NAGA: variants seen among roughly 807,000 people sequenced by gnomAD.
NAGA encodes the protein alpha-N-acetylgalactosaminidase.
In NAGA, 42 loss-of-function variants were observed where a neutral mutation model predicts 45.6. The observed-to-expected ratio is 0.92, with a 90% CI of 0.72 to 1.19. The LOEUF is 1.19. Ranked by LOEUF, NAGA falls within the 50% of genes most tolerant of loss-of-function variation. The pLI, the probability that NAGA is intolerant of heterozygous loss-of-function variation, is 0.00. For missense variants in NAGA, 493 were observed against 544.8 expected (o/e 0.90, Z 0.95); for synonymous variants, 176 against 203.1 (o/e 0.87, Z 1.13).
Position 42,067,305 on chromosome 22 carries a change from G to A in NAGA, c.325-15C>T. ...AGGGAGTGAACCTGTGGGGGTTTGAGGACACAGTGGGCTCAAGCAGGACCC... is the reference window on the plus strand; with the variant it reads ...AGGGAGTGAACCTGTGGGGGTTTGAAGACACAGTGGGCTCAAGCAGGACCC... On this transcript the variant is annotated splice_polypyrimidine_tract_variant and intron_variant, in intron 3 of 8. Coordinates refer to ENST00000396398, the MANE Select transcript of NAGA (RefSeq NM_000262.3). 1 of 1,613,842 alleles carries A rather than the reference G, an allele frequency of 6.2e-7. No homozygotes were observed. Among genetic ancestry groups the A allele is most frequent in the South Asian group, 1.1e-5 (1 of 91,082 alleles).
At chr22:42,065,377 C>G (rs375144334) in intron 6 of NAGA, among the ~76,000 whole-genome samples, 1 of 152,070 alleles carries the variant, frequency 6.6e-6, no homozygotes. Flanking sequence ...CAGAGGCACA[C>G]GGGGGAGAGC....
intron 6 of NAGA, 135 bp downstream of exon 6, chr22:42,065,603 A>T: frequency 8.4e-7 from 1 of 1,194,720 alleles, no homozygotes; most frequent in Non-Finnish European, 1.2e-6. Context: ...TAAAGCAACC[A>T]GTTCAGGGAC....
intron 8 of NAGA, among the ~76,000 whole-genome samples, 178 bp downstream of exon 8, chr22:42,060,746 C>G (rs1203955936): frequency 6.6e-6 from 1 of 152,224 alleles, no homozygotes; most frequent in African/African-American, 2.4e-5. Flanking sequence ...GTTGAAAATA[C>G]TGGTGCAGAG....
At chr22:42,060,868 C>A in intron 8 of NAGA, 56 bp downstream of exon 8, 1 of 1,611,546 alleles carries the variant, frequency 6.2e-7, no homozygotes, top group Non-Finnish European at 8.5e-7. Context: ...CCCCATAATA[C>A]CCTCCCACAG....
intron 6 of NAGA, among the ~76,000 whole-genome samples, chr22:42,063,745 T>C (rs1291041962): frequency 6.6e-6 from 1 of 152,218 alleles, no homozygotes. Context: ...CTGCCGACAC[T>C]CCCAGCCGAA....
At position 42,059,529 on chromosome 22, in the gene NAGA, G is replaced by C. The variant is rs1926238297; in HGVS notation, c.*750C>G. The C allele has an allele frequency of 1.3e-5, 2 of 152,514 alleles. No individual in the cohort carries two copies. The highest frequency in any genetic ancestry group is 1.3e-4 in the Admixed American group (2 of 15,304). The allele number at this position is 152,514 out of a possible 1,614,324, so 9.4% of individuals were successfully genotyped here. ...GCAGGACCTGGGAGCATTGCTACTTGGCCTCATTGTGTTGTCACCATCACC... is the reference window on the plus strand; with the variant it reads ...GCAGGACCTGGGAGCATTGCTACTTCGCCTCATTGTGTTGTCACCATCACC... On this transcript the variant is annotated 3_prime_UTR_variant, in exon 9 of 9. Coordinates refer to ENST00000396398, the MANE Select transcript of NAGA (RefSeq NM_000262.3).
In NAGA at chr22:42,070,378, G is replaced by A; in HGVS notation, c.-81C>T. The A allele has an allele frequency of 6.4e-7, 1 of 1,564,780 alleles. No individual in the cohort carries two copies. The highest frequency in any genetic ancestry group is 2.2e-5 in the East Asian group (1 of 44,670). ...GTATGTGTTGGGCTCTGGAAGCTAA[G>A]AAACGTCTGAAAAGCACTGGGGTCA... On this transcript the variant is annotated 5_prime_UTR_variant, in exon 1 of 9. Coordinates refer to ENST00000396398, the MANE Select transcript of NAGA (RefSeq NM_000262.3).
At position 42,067,278 on chromosome 22, in the gene NAGA, C is replaced by T; in HGVS notation, c.337G>A (p.Gly113Ser). 1 of 1,614,018 alleles carries T rather than the reference C, an allele frequency of 6.2e-7. No homozygotes were observed. Among genetic ancestry groups the T allele is most frequent in the African/African-American group, 1.3e-5 (1 of 74,988 alleles). Residue 113 changes from glycine to serine, a missense_variant, in exon 4 of 9, where the codon GGC (glycine) becomes AGC (serine). Transcript: ENST00000396398. ...TCCGCGTAGATACCCAACTTCAGGC[C>T]CAGGGAGTGAACCTGTGGGGGTTTG... ...PFLADYVHSL[G>S]LKLGIYADMG...
At chr22:42,064,476 TA>T (rs133365) in intron 6 of NAGA, among the ~76,000 whole-genome samples, 112 of 126,096 alleles carry the variant, frequency 8.9e-4, no homozygotes, top group Middle Eastern at 4.1e-3. Context: ...CCATCTCTAC[TA>T]AAAAAAAAAA....
rs1451398161 is a variant in NAGA at position 42,067,913 on chromosome 22, G to A, written c.176C>T (p.Ala59Val). The A allele has an allele frequency of 6.2e-7, 1 of 1,613,630 alleles. No homozygotes were observed. The highest frequency in any genetic ancestry group is 2.2e-5 in the East Asian group (1 of 44,884). Residue 59 changes from alanine to valine, a missense_variant, in exon 3 of 9, where the codon GCT becomes GTT. Coordinates refer to ENST00000396398, the MANE Select transcript of NAGA (RefSeq NM_000262.3). ...CCATCCATCCTGTGCCATCCGGTCA[G>A]CCATCTCCATGAAGAGCTGTTCACT... ...CISEQLFMEM[A>V]DRMAQDGWRD... is the part of the protein sequence containing the mutation.
rs374835230 is a variant in NAGA at position 42,060,232 on chromosome 22, G to A, written c.*47C>T. The A allele has an allele frequency of 1.2e-6, 2 of 1,610,146 alleles. No individual in the cohort carries two copies. Among genetic ancestry groups the A allele is most frequent in the Non-Finnish European group, 8.5e-7 (1 of 1,179,710 alleles). The stretch of plus-strand genomic sequence containing the variant: ...GCCCTGGGCATGCCAAGGCTCCATG[G>A]TCTAGGCTCAGTGGTGCCACCACAG... On this transcript the variant is annotated 3_prime_UTR_variant, in exon 9 of 9. Transcript: ENST00000396398.
Position 42,059,752 on chromosome 22 carries a change from T to G in NAGA, c.*527A>C. 5.8e-6 allele frequency: 1 copy of G among 171,194 alleles called. No individual in the cohort carries two copies. The highest frequency in any genetic ancestry group is 1.3e-5 in the Non-Finnish European group (1 of 77,922). 10.6% of individuals were successfully genotyped at this position (171,194 alleles called of 1,614,324 possible). ...CCTAACTAAAGGTACCCCAGGTCCATATTACAACTACTTGATTAAAGAACA... is the reference window on the plus strand; with the variant it reads ...CCTAACTAAAGGTACCCCAGGTCCAGATTACAACTACTTGATTAAAGAACA... On this transcript the variant is annotated 3_prime_UTR_variant, in exon 9 of 9. Transcript: ENST00000396398.
intron 7 of NAGA, among the ~76,000 whole-genome samples, 197 bp downstream of exon 7, chr22:42,062,630 C>T (rs1022784268): frequency 2.6e-5 from 4 of 152,210 alleles, no homozygotes; most frequent in African/African-American, 4.8e-5. Flanking sequence ...GCCCTGCTCT[C>T]ACCCAGCAAG....
rs748319517 is a variant in NAGA, at chr22:42,070,601, C to T, written c.-304G>A. ...GTCCCGAGGGCCTACGGGCCGCCTT[C>T]GGCCCCGCCCGGGCTCAGAAAAAGG... is the stretch of plus-strand genomic sequence containing the variant. On this transcript the variant is annotated 5_prime_UTR_variant, in exon 1 of 9. Coordinates refer to ENST00000396398, the MANE Select transcript of NAGA (RefSeq NM_000262.3). 29 of 527,470 alleles carry T rather than the reference C, an allele frequency of 5.5e-5. No individual in the cohort carries two copies. Among genetic ancestry groups the T allele is most frequent in the Non-Finnish European group, 9.3e-5 (27 of 291,558 alleles). 32.7% of individuals were successfully genotyped at this position (527,470 alleles called of 1,614,324 possible). A position where few individuals can be genotyped will look rare whatever the true frequency, so the allele number is the denominator to read the frequency against.
intron 1 of NAGA, among the ~76,000 whole-genome samples, chr22:42,069,645 G>A (rs1926938552): frequency 6.7e-6 from 1 of 149,196 alleles, no homozygotes; most frequent in East Asian, 2.0e-4. Context: ...AAAAAAGTGC[G>A]ACAACGCACA....
In NAGA at chr22:42,066,766, G is replaced by A. The variant is rs367943149; in HGVS notation, c.541C>T (p.Arg181Cys). 6.7e-5 allele frequency: 107 copies of A among 1,607,030 alleles called. No individual in the cohort carries two copies. The highest frequency in any genetic ancestry group is 4.3e-4 in the East Asian group (19 of 44,634). Reference sequence around the variant, plus strand: ...CAGCTGCAGGAGAAGGCGATGGGGCGGCCTGTGGCATTCAGGGCAGCAGCC... The same window carrying A: ...CAGCTGCAGGAGAAGGCGATGGGGCAGCCTGTGGCATTCAGGGCAGCAGCC... ...KMAAALNATG[R>C]PIAFSCSWPA... is the part of the protein sequence containing the mutation. Residue 181 changes from arginine (R) to cysteine (C), a missense_variant, in exon 5 of 9, where the codon CGC (arginine) becomes TGC (cysteine). Physicochemically the swap from Arg to Cys is radical, Grantham distance 180. Transcript: ENST00000396398.
rs1022560950 is a variant in NAGA at position 42,068,532 on chromosome 22, T to C, written c.59A>G (p.Asn20Ser). The change falls in exon 2 of 9, where the codon AAT becomes AGT. Residue 20 changes from asparagine (N) to serine (S), a missense_variant. Physicochemically the swap from Asn to Ser is conservative, Grantham distance 46. Coordinates refer to ENST00000396398, the MANE Select transcript of NAGA (RefSeq NM_000262.3). The part of the protein sequence containing the change: ...GHVAQVLMLD[N>S]GLLQTPPMGW... ...CATGGGTGGTGTCTGCAGGAGCCCATTGTCCAGCATCAGCACCTGGGCCAC... is the reference window on the plus strand; with the variant it reads ...CATGGGTGGTGTCTGCAGGAGCCCACTGTCCAGCATCAGCACCTGGGCCAC... The C allele has an allele frequency of 3.7e-6, 6 of 1,614,158 alleles. No individual in the cohort carries two copies. Among genetic ancestry groups the C allele is most frequent in the Non-Finnish European group, 3.4e-6 (4 of 1,180,020 alleles).
In NAGA at chr22:42,059,431, T is replaced by G. The variant is rs1396172093; in HGVS notation, c.*848A>C. 1 of 152,818 alleles carries G rather than the reference T, an allele frequency of 6.5e-6. No homozygotes were observed. The highest frequency in any genetic ancestry group is 2.4e-5 in the African/African-American group (1 of 41,408). 9.5% of individuals were successfully genotyped at this position (152,818 alleles called of 1,614,324 possible). A position where few individuals can be genotyped will look rare whatever the true frequency, so the allele number is the denominator to read the frequency against. On this transcript the variant is annotated 3_prime_UTR_variant, in exon 9 of 9. Transcript: ENST00000396398. Reference sequence around the variant, plus strand: ...GAAATAAAGGAAAAGAAGTAGGGGTTGGGGTGGAGCCACCAGAGAGAAGAG... The same window carrying G: ...GAAATAAAGGAAAAGAAGTAGGGGTGGGGGTGGAGCCACCAGAGAGAAGAG...
intron 6 of NAGA, among the ~76,000 whole-genome samples, chr22:42,063,996 C>T (rs964283429): frequency 3.3e-5 from 5 of 152,006 alleles, no homozygotes; most frequent in Admixed American, 2.6e-4. Flanking sequence ...TGCAGTGAGC[C>T]GAGATTGCAC....
Sources: gnomAD v4.1 joint callset for allele counts (sites outside exome capture counted in the v4.1 genomes callset) on GRCh38, gnomAD v4.1.1 for gene constraint, MANE v1.5 for transcripts, NCBI Gene and HGNC (gene_info 2026-07-23, HGNC 2026-07-21) for gene names.